Variants in EFHD2 observed in about 807,000 individuals in gnomAD.
EFHD2 encodes EF-hand domain family member D2, also known as EF-hand domain-containing protein D2.
EFHD2 carries 12 observed loss-of-function variants against 20.3 expected under a neutral mutation model. The ratio of observed to expected loss-of-function variants is 0.59; its 90% CI spans 0.38 to 0.96. The LOEUF is 0.96. Among genes scored for constraint, EFHD2 ranks in the 40% least tolerant of loss-of-function variants. The pLI is 0.00. For synonymous variants in EFHD2, 131 were observed against 143.9 expected (o/e 0.91, Z 0.64); for missense variants, 250 against 334.3 (o/e 0.75, Z 1.97).
At chr1:15,416,000 C>T (rs933389805) in intron 1 of EFHD2, among the ~76,000 whole-genome samples, 2 of 151,992 alleles carry the variant, frequency 1.3e-5, no homozygotes, top group African/African-American at 2.4e-5. Flanking sequence ...TGGGGTCCTT[C>T]ACCTGCAGCT....
intron 1 of EFHD2, among the ~76,000 whole-genome samples, chr1:15,424,330 G>A (rs181729242): frequency 2.0e-5 from 3 of 152,054 alleles, no homozygotes; most frequent in Non-Finnish European, 4.4e-5. Context: ...ACAGCGCCTC[G>A]CCCTCTTTCA....
intron 1 of EFHD2, among the ~76,000 whole-genome samples, chr1:15,422,533 G>A (rs1175466824): frequency 6.6e-6 from 1 of 151,984 alleles, no homozygotes; most frequent in African/African-American, 2.4e-5. Context: ...ATTGCCAGAT[G>A]TCTCCTGGGG....
In EFHD2 at chr1:15,428,729, G is replaced by A. The variant is rs115830229; in HGVS notation, c.*5G>A. On this transcript the variant is annotated 3_prime_UTR_variant, in exon 4 of 4. Coordinates refer to ENST00000375980, the MANE Select transcript of EFHD2 (RefSeq NM_024329.6). ...CTGCAGTCCACCTTTAAGTAGCGGGGGCTGCAGCCGACCGCCCTGCTCCGG... is the reference window on the plus strand; with the variant it reads ...CTGCAGTCCACCTTTAAGTAGCGGGAGCTGCAGCCGACCGCCCTGCTCCGG... 4,042 of 1,574,842 alleles carry A rather than the reference G, an allele frequency of 2.6e-3. 88 individuals carry two copies. The African/African-American group carries it at 0.045, about 18-fold the overall frequency.
At chr1:15,418,299 CTTTTTTT>C (rs764390342) in intron 1 of EFHD2, among the ~76,000 whole-genome samples, 3 of 76,874 alleles carry the variant, frequency 3.9e-5, no homozygotes, top group South Asian at 4.2e-4. Context: ...CGAGGAGCAA[CTTTTTTT>C]TTTTTTTTTT....
intron 1 of EFHD2, among the ~76,000 whole-genome samples, chr1:15,411,202 T>C (rs1707500142): frequency 1.4e-5 from 2 of 143,498 alleles, no homozygotes; most frequent in African/African-American, 5.2e-5. Flanking sequence ...ACTCCGTATA[T>C]CCCCTTCCCT....
intron 1 of EFHD2, among the ~76,000 whole-genome samples, chr1:15,422,085 A>ATTTTT (rs71000400): frequency 5.8e-5 from 5 of 86,628 alleles, no homozygotes; most frequent in Non-Finnish European, 8.9e-5. Context: ...AGGTCATTCC[A>ATTTTT]TTTTTTTTTT....
At position 15,409,911 on chromosome 1, in the gene EFHD2, CGGCCGGCGGCGCTGCGCTGAGAGCAGG is replaced by C; in HGVS notation, c.-56_-30del. ...GGGAGTGTCAGGAAGAGGAAGAGCG[CGGCCGGCGGCGCTGCGCTGAGAGCAGG>C]GGCCCGGCCAAGGCGAGTGCCGCGC... On this transcript the variant is annotated 5_prime_UTR_variant, in exon 1 of 4. Transcript: ENST00000375980. 3.3e-6 allele frequency: 4 copies of C among 1,195,188 alleles called. No individual in the cohort carries two copies. Among genetic ancestry groups the C allele is most frequent in the Non-Finnish European group, 4.1e-6 (4 of 965,542 alleles). 74.0% of individuals were successfully genotyped at this position (1,195,188 alleles called of 1,614,324 possible).
rs1707873408 is a variant in EFHD2 at position 15,426,458 on chromosome 1, G to A, written c.456+440G>A. On this transcript the variant is annotated intron_variant, in intron 2 of 3. Transcript: ENST00000375980. This position sits in a 1 kb window ranked among gnomAD's most constrained non-coding sequence, Gnocchi z 4.6. Reference sequence around the variant, plus strand: ...GATCTCACTCCGAGACAGGAGCTAGGGGCAAGCCGGTTTCGCAGGGAAGGA... The same window carrying A: ...GATCTCACTCCGAGACAGGAGCTAGAGGCAAGCCGGTTTCGCAGGGAAGGA... 6.6e-6 allele frequency among the ~76,000 whole-genome samples: 1 copy of A among 152,122 alleles called. No individual in the cohort carries two copies. Among genetic ancestry groups the A allele is most frequent in the Non-Finnish European group, 1.5e-5 (1 of 68,022 alleles).
chr1:15,417,419 G>A (rs1057028708), intron 1 of EFHD2, among the ~76,000 whole-genome samples: 2 of 152,204 alleles, frequency 1.3e-5, no homozygotes, highest in South Asian at 2.1e-4. Context: ...AGGGAGTGCC[G>A]TGGGTGCGGT....
chr1:15,424,228 C>T (rs994495413), intron 1 of EFHD2, among the ~76,000 whole-genome samples: 15 of 152,040 alleles, frequency 9.9e-5, no homozygotes, highest in East Asian at 3.9e-4. Context: ...TCTGGGATCA[C>T]TCTCCCCAGC....
At chr1:15,416,561 G>A (rs1169485396) in intron 1 of EFHD2, among the ~76,000 whole-genome samples, 2 of 152,202 alleles carry the variant, frequency 1.3e-5, no homozygotes, top group African/African-American at 4.8e-5. Flanking sequence ...CTCCCGTTCA[G>A]TCCTTTCTTA....
At chr1:15,428,507 A>G (rs1447994838) in intron 3 of EFHD2, 86 bp from the exon 4 acceptor site, 1 of 1,469,090 alleles carries the variant, frequency 6.8e-7, no homozygotes, top group Admixed American at 2.6e-5. Flanking sequence ...AGAAAAATTA[A>G]AGAAAAAAGA....
intron 1 of EFHD2, among the ~76,000 whole-genome samples, chr1:15,412,969 C>T (rs1410941044): frequency 6.6e-6 from 1 of 152,166 alleles, no homozygotes; most frequent in African/African-American, 2.4e-5. Flanking sequence ...TCTAGGGAAG[C>T]AAGTGCTGCC....
intron 2 of EFHD2, 65 bp from the exon 3 acceptor site, chr1:15,427,085 C>G: frequency 6.4e-7 from 1 of 1,573,420 alleles, no homozygotes; most frequent in South Asian, 1.2e-5. Context: ...CTGGGTGCGG[C>G]CAGGGACTCC....
rs1014460333 is a variant in EFHD2 at position 15,426,885 on chromosome 1, G to A, written c.457-265G>A. Among the ~76,000 whole-genome samples, 13 of 152,182 alleles carry A rather than the reference G, an allele frequency of 8.5e-5. No homozygotes were observed. Among genetic ancestry groups the A allele is most frequent in the Admixed American group, 7.2e-4 (11 of 15,282 alleles). On this transcript the variant is annotated intron_variant, in intron 2 of 3. Coordinates refer to ENST00000375980, the MANE Select transcript of EFHD2 (RefSeq NM_024329.6). The surrounding 1 kb of genome is among the most constrained non-coding windows in gnomAD (Gnocchi z 4.6). ...GAGGTAAGAGGTAGGCTGAGGCCGTGTCGTCGGGAGCTGGTGTGGGCGGGT... is the reference window on the plus strand; with the variant it reads ...GAGGTAAGAGGTAGGCTGAGGCCGTATCGTCGGGAGCTGGTGTGGGCGGGT...
chr1:15,415,461 A>G (rs370024019), intron 1 of EFHD2, among the ~76,000 whole-genome samples: 3 of 151,380 alleles, frequency 2.0e-5, no homozygotes, highest in Middle Eastern at 3.2e-3. Flanking sequence ...TCACACCAGC[A>G]CAATGAGATT....
At chr1:15,427,769 T>A (rs1054393758) in intron 3 of EFHD2, 2 of 384,512 alleles carry the variant, frequency 5.2e-6, no homozygotes, top group Non-Finnish European at 1.1e-5. Flanking sequence ...TCCTGGGTCC[T>A]GCCCACCCGG....
At chr1:15,416,833 C>CA (rs753805617) in intron 1 of EFHD2, among the ~76,000 whole-genome samples, 13 of 151,950 alleles carry the variant, frequency 8.6e-5, no homozygotes, top group Non-Finnish European at 1.9e-4. Flanking sequence ...TTTTAAGAGA[C>CA]AGAGTCTTGC....
At position 15,413,267 on chromosome 1, in the gene EFHD2, C is replaced by G. The variant is rs917199497; in HGVS notation, c.308+2988C>G. Among the ~76,000 whole-genome samples, 3 of 152,140 alleles carry G rather than the reference C, an allele frequency of 2.0e-5. No homozygotes were observed. The highest frequency in any genetic ancestry group is 4.4e-5 in the Non-Finnish European group (3 of 68,006). On this transcript the variant is annotated intron_variant, in intron 1 of 3. Coordinates refer to ENST00000375980, the MANE Select transcript of EFHD2 (RefSeq NM_024329.6). This position sits in a 1 kb window ranked among gnomAD's most constrained non-coding sequence, Gnocchi z 4.4. Reference sequence around the variant, plus strand: ...GTCACTAGAGCAGGAGGCAGGAGACCATGAGGTCAGCAGGAGAATGGGAGC... The same window carrying G: ...GTCACTAGAGCAGGAGGCAGGAGACGATGAGGTCAGCAGGAGAATGGGAGC...
Sources: allele counts gnomAD v4.1 joint callset (sites outside exome capture counted in the v4.1 genomes callset), GRCh38; gene constraint gnomAD v4.1.1; non-coding constraint Gnocchi (gnomAD v3.1); transcripts MANE v1.5; gene names NCBI Gene and HGNC (gene_info 2026-07-23, HGNC 2026-07-21).